Variants in OPCML observed in about 807,000 individuals in gnomAD.
OPCML encodes the protein opioid binding protein/cell adhesion molecule like.
Under a neutral mutation model 37.8 loss-of-function variants are expected in OPCML, and 13 were observed. The ratio of observed to expected loss-of-function variants is 0.34; its 90% CI spans 0.22 to 0.55. The LOEUF (loss-of-function observed/expected upper bound fraction) is 0.55, where lower values mean the gene tolerates loss of function less well. Among genes scored for constraint, OPCML ranks in the 20% least tolerant of loss-of-function variants. OPCML has a pLI of 0.91. For synonymous variants in OPCML, 176 were observed against 168.8 expected (o/e 1.04, Z -0.33); for missense variants, 341 against 435.6 (o/e 0.78, Z 1.93).
intron 1 of OPCML, among the ~76,000 whole-genome samples, chr11:133,504,612 C>G (rs1182454516): frequency 6.6e-6 from 1 of 152,158 alleles, no homozygotes; most frequent in South Asian, 2.1e-4. Flanking sequence ...CACGGGAGCC[C>G]CCAGCTTTGT....
intron 1 of OPCML, among the ~76,000 whole-genome samples, chr11:133,446,998 A>T (rs185985009): frequency 6.6e-6 from 1 of 152,228 alleles, no homozygotes; most frequent in East Asian, 1.9e-4. Context: ...GAACTTTTGC[A>T]TACAAGTCTC....
chr11:133,141,530 C>T (rs879735476), intron 1 of OPCML, among the ~76,000 whole-genome samples: 8 of 152,100 alleles, frequency 5.3e-5, no homozygotes, highest in Non-Finnish European at 8.8e-5. Context: ...TCTCTCTCTC[C>T]TTCATTACCT....
At chr11:132,969,889 G>A in intron 1 of OPCML, among the ~76,000 whole-genome samples, 1 of 152,076 alleles carries the variant, frequency 6.6e-6, no homozygotes, top group East Asian at 1.9e-4. Context: ...TCTGTTTGAA[G>A]TCTTTGTTAA....
At chr11:132,744,558 C>T (rs1056532838) in intron 2 of OPCML, among the ~76,000 whole-genome samples, 2 of 152,196 alleles carry the variant, frequency 1.3e-5, no homozygotes, top group Non-Finnish European at 2.9e-5. Context: ...GGTCTCAATA[C>T]TCATCTGTTC....
At chr11:133,052,021 A>G (rs1380920379) in intron 1 of OPCML, among the ~76,000 whole-genome samples, 1 of 152,212 alleles carries the variant, frequency 6.6e-6, no homozygotes, top group Non-Finnish European at 1.5e-5. Flanking sequence ...TGGGGATTTC[A>G]ATTCTGGCTA....
intron 1 of OPCML, among the ~76,000 whole-genome samples, chr11:133,324,829 T>C (rs1235373779): frequency 6.6e-6 from 1 of 152,188 alleles, no homozygotes; most frequent in East Asian, 1.9e-4. Context: ...TTCATATGTG[T>C]GTGTGTAGAT....
At chr11:132,977,747 G>C (rs942332167) in intron 1 of OPCML, among the ~76,000 whole-genome samples, 1 of 152,128 alleles carries the variant, frequency 6.6e-6, no homozygotes, top group Non-Finnish European at 1.5e-5. Flanking sequence ...GTAGGGAGCA[G>C]GTTCAATGTA....
At chr11:133,016,722 A>C (rs2136890351) in intron 1 of OPCML, among the ~76,000 whole-genome samples, 1 of 152,304 alleles carries the variant, frequency 6.6e-6, no homozygotes, top group Non-Finnish European at 1.5e-5. Flanking sequence ...AATAAAAAGG[A>C]GAGAGAGAAG....
Position 132,657,204 on chromosome 11 carries a change from G to C in OPCML, c.262C>G (p.Pro88Ala). The C allele has an allele frequency of 6.2e-7, 1 of 1,614,224 alleles. No individual in the cohort carries two copies. The highest frequency in any genetic ancestry group is 1.1e-5 in the South Asian group (1 of 91,082). ...DPRVIILVNT[P>A]TQYSIMIQNV... Reference sequence around the variant, plus strand: ...TGGATCATGATGCTGTACTGGGTTGGTGTATTGACCAGGATGATCACACGA... The same window carrying C: ...TGGATCATGATGCTGTACTGGGTTGCTGTATTGACCAGGATGATCACACGA... The change falls in exon 3 of 8, where the codon CCA becomes GCA. Residue 88 changes from proline (P) to alanine (A), a missense_variant. Physicochemically the swap from Pro to Ala is conservative, Grantham distance 27 (BLOSUM62 -1). Coordinates refer to ENST00000524381, the MANE Select transcript of OPCML (RefSeq NM_001012393.5).
intron 3 of OPCML, among the ~76,000 whole-genome samples, chr11:132,572,746 A>G (rs1211845954): frequency 6.6e-6 from 1 of 152,068 alleles, no homozygotes; most frequent in Non-Finnish European, 1.5e-5. Flanking sequence ...TTGTAGTTCT[A>G]TATGAATTGT....
rs112691866 is a variant in OPCML at position 132,933,950 on chromosome 11, G to A, written c.146+8976C>T. Among the ~76,000 whole-genome samples, 632 of 152,254 alleles carry A rather than the reference G, an allele frequency of 4.2e-3. 3 individuals are homozygous for A. The highest frequency in any genetic ancestry group is 6.3e-3 in the Non-Finnish European group (427 of 68,028). ...ATTCAATTCCCTGGGTGTACAGATG[G>A]TGACTCCTTTTTTTCTCCATCACAG... On this transcript the variant is annotated intron_variant, in intron 2 of 7. Transcript: ENST00000524381.
intron 1 of OPCML, chr11:133,117,882 ACTTTAT>A (rs1353182900): frequency 6.1e-6 from 6 of 984,848 alleles, no homozygotes; most frequent in Non-Finnish European, 7.2e-6. Flanking sequence ...GTTTTGCAGC[ACTTTAT>A]CAAATGAAGT....
chr11:132,523,459 T>C (rs576135408), intron 4 of OPCML, among the ~76,000 whole-genome samples: 2 of 62,150 alleles, frequency 3.2e-5, no homozygotes, highest in Admixed American at 1.8e-4. Flanking sequence ...CCACCACTAG[T>C]TCTTATTTAG....
In OPCML at chr11:133,190,947, A is replaced by C. The variant is rs535354855; in HGVS notation, c.62-247937T>G. On this transcript the variant is annotated intron_variant, in intron 1 of 7. Transcript: ENST00000524381. Reference sequence around the variant, plus strand: ...GACTATTTTGAATAATGTTGCTATAAATATTTATGTGAAAGTTTTTGTGTA... The same window carrying C: ...GACTATTTTGAATAATGTTGCTATACATATTTATGTGAAAGTTTTTGTGTA... 2.0e-5 allele frequency among the ~76,000 whole-genome samples: 3 copies of C among 150,974 alleles called. No individual in the cohort carries two copies. In the South Asian group the frequency reaches 6.4e-4, roughly 32 times the overall value.
At chr11:133,404,133 C>T (rs1006830024) in intron 1 of OPCML, among the ~76,000 whole-genome samples, 2 of 152,192 alleles carry the variant, frequency 1.3e-5, no homozygotes, top group Admixed American at 6.5e-5. Flanking sequence ...AATCCGGCCT[C>T]AGTCTTCACA....
chr11:132,602,287 C>T (rs1321120924), intron 3 of OPCML, among the ~76,000 whole-genome samples: 1 of 152,170 alleles, frequency 6.6e-6, no homozygotes, highest in African/African-American at 2.4e-5. Flanking sequence ...ACCATCGACA[C>T]CATATATTCT....
At chr11:132,706,906 C>T (rs1341771402) in intron 2 of OPCML, among the ~76,000 whole-genome samples, 3 of 152,154 alleles carry the variant, frequency 2.0e-5, no homozygotes, top group East Asian at 1.9e-4. Context: ...TTCAAGGCTT[C>T]GTACATCTAA....
At chr11:133,421,803 C>G in intron 1 of OPCML, 1 of 983,896 alleles carries the variant, frequency 1.0e-6, no homozygotes, top group Non-Finnish European at 1.2e-6. Context: ...AGTCTTCCAG[C>G]TGAGTCCTCA....
At chr11:133,235,011 G>T (rs1940447043) in intron 1 of OPCML, among the ~76,000 whole-genome samples, 1 of 152,044 alleles carries the variant, frequency 6.6e-6, no homozygotes, top group African/African-American at 2.4e-5. Flanking sequence ...GCAGACATTT[G>T]TAGAGGTTGC....
Sources: allele counts gnomAD v4.1 joint callset (sites outside exome capture counted in the v4.1 genomes callset), GRCh38; gene constraint gnomAD v4.1.1; transcripts MANE v1.5; gene names NCBI Gene and HGNC (gene_info 2026-07-23, HGNC 2026-07-21).